Variants in ZFP91 observed in about 807,000 individuals in gnomAD.
ZFP91 encodes the protein ZFP91 zinc finger protein, atypical E3 ubiquitin ligase, also known as E3 ubiquitin-protein ligase ZFP91.
ZFP91 carries 7 observed loss-of-function variants against 63.5 expected under a neutral mutation model. The ratio of observed to expected loss-of-function variants is 0.11; its 90% confidence interval spans 0.06 to 0.21. The LOEUF (loss-of-function observed/expected upper bound fraction) is 0.21. Ranked by LOEUF, ZFP91 falls within the 10% of genes least tolerant of loss-of-function variation. The probability of loss-of-function intolerance (pLI) is 1.00; values close to 1 mark genes in which losing one functional copy is unlikely to be tolerated. For missense variants in ZFP91, 628 were observed against 736.6 expected (o/e 0.85, Z 1.71); for synonymous variants, 330 against 272.1 (o/e 1.21, Z -2.10).
In ZFP91 at chr11:58,618,700, C is replaced by T. The variant is rs920829734; in HGVS notation, c.*994C>T. The T allele has an allele frequency of 1.3e-5, 6 of 456,728 alleles. No homozygotes were observed. The Admixed American group carries it at 1.4e-4, about 11-fold the overall frequency. 28.3% of individuals were successfully genotyped at this position (456,728 alleles called of 1,614,324 possible). On this transcript the variant is annotated 3_prime_UTR_variant, in exon 11 of 11. Coordinates refer to ENST00000316059, the MANE Select transcript of ZFP91 (RefSeq NM_053023.5). ...AAGGCAAGACATAGGGTTGAAGAAG[C>T]ACAGCCAGCCTCTGAAATCATAGCT...
Position 58,609,888 on chromosome 11 carries a change from T to A in ZFP91, c.429T>A (p.Ile143=). Reference sequence around the variant, plus strand: ...CTGCCCTCCCTCAGGAAGTTTCCATTGCTGCATCTAGACCTAGCCGGGGCT... The same window carrying A: ...CTGCCCTCCCTCAGGAAGTTTCCATAGCTGCATCTAGACCTAGCCGGGGCT... The part of the protein sequence containing the change: ...DDSALPQEVS[I]AASRPSRGWR... Residue 143 remains isoleucine, a synonymous_variant, in exon 3 of 11, where the codon ATT becomes ATA. Coordinates refer to ENST00000316059, the MANE Select transcript of ZFP91 (RefSeq NM_053023.5). 6.2e-7 allele frequency: 1 copy of A among 1,614,236 alleles called. No homozygotes were observed. Among genetic ancestry groups the A allele is most frequent in the Non-Finnish European group, 8.5e-7 (1 of 1,180,042 alleles).
chr11:58,593,811 C>T (rs1281305004), intron 2 of ZFP91, among the ~76,000 whole-genome samples: 5 of 152,150 alleles, frequency 3.3e-5, no homozygotes, highest in Admixed American at 6.5e-5. Flanking sequence ...TCTTTGTTTT[C>T]ATCATCAGTC....
In ZFP91 at chr11:58,614,462, A is replaced by C. The variant is rs535829112; in HGVS notation, c.1102+119A>C. ...AAGATTCTATAGTCAAGTGCGGGGA[A>C]AAGGTGTGAAAATAAAATGTAGTAA... On this transcript the variant is annotated intron_variant, in intron 9 of 10. Transcript: ENST00000316059. 5 of 685,298 alleles carry C rather than the reference A, an allele frequency of 7.3e-6. No individual in the cohort carries two copies. The African/African-American group carries it at 9.2e-5, about 13-fold the overall frequency. 42.5% of individuals were successfully genotyped at this position (685,298 alleles called of 1,614,324 possible).
intron 2 of ZFP91, among the ~76,000 whole-genome samples, chr11:58,606,469 G>T (rs1192945086): frequency 4.6e-5 from 7 of 152,002 alleles, no homozygotes; most frequent in Admixed American, 4.6e-4. Context: ...ATTTTCTTTA[G>T]CTCTGATTGT....
At chr11:58,600,879 G>A (rs1007536227) in intron 2 of ZFP91, among the ~76,000 whole-genome samples, 1 of 151,952 alleles carries the variant, frequency 6.6e-6, no homozygotes, top group African/African-American at 2.4e-5. Flanking sequence ...ATTTTGTCAG[G>A]TTCTTTTTCT....
intron 2 of ZFP91, among the ~76,000 whole-genome samples, chr11:58,604,262 G>A (rs750962661): frequency 2.6e-5 from 4 of 152,146 alleles, no homozygotes; most frequent in Non-Finnish European, 5.9e-5. Flanking sequence ...CACTATGACT[G>A]ATGTCCTTAT....
chr11:58,599,501 T>C (rs1314575398), intron 2 of ZFP91, among the ~76,000 whole-genome samples: 8 of 152,102 alleles, frequency 5.3e-5, no homozygotes, highest in Admixed American at 3.3e-4. Context: ...CCAACACTTC[T>C]TATTTTCTTT....
chr11:58,612,860 A>G lies in ZFP91; in HGVS notation c.987+20A>G. The G allele has an allele frequency of 1.2e-6, 2 of 1,601,110 alleles. No homozygotes were observed. The highest frequency in any genetic ancestry group is 1.7e-6 in the Non-Finnish European group (2 of 1,173,562). On this transcript the variant is annotated intron_variant, in intron 8 of 10. Coordinates refer to ENST00000316059, the MANE Select transcript of ZFP91 (RefSeq NM_053023.5). Reference sequence around the variant, plus strand: ...TTGCAGGTCAGTGAAGTTGTTATATAAGAGCCTTTCAGGTTGTGTTCCATT... The same window carrying G: ...TTGCAGGTCAGTGAAGTTGTTATATGAGAGCCTTTCAGGTTGTGTTCCATT...
chr11:58,592,413 A>G (rs945187336), intron 2 of ZFP91, among the ~76,000 whole-genome samples: 1 of 151,974 alleles, frequency 6.6e-6, no homozygotes, highest in Non-Finnish European at 1.5e-5. Context: ...TATCCACTTC[A>G]TGTTTTCTAG....
rs1183522462 is a variant in ZFP91, at chr11:58,618,107, C to A, written c.*401C>A. ...TATTACTGTCTTCTAAATCCCTTCTCCTCCTCTACTGCTGCCCTATGGTTC... is the reference window on the plus strand; with the variant it reads ...TATTACTGTCTTCTAAATCCCTTCTACTCCTCTACTGCTGCCCTATGGTTC... On this transcript the variant is annotated 3_prime_UTR_variant, in exon 11 of 11. Transcript: ENST00000316059. 1 of 159,894 alleles carries A rather than the reference C, an allele frequency of 6.3e-6. No individual in the cohort carries two copies. Among genetic ancestry groups the A allele is most frequent in the African/African-American group, 2.4e-5 (1 of 41,630 alleles). The allele number at this position is 159,894 out of a possible 1,614,324, so 9.9% of individuals were successfully genotyped here.
intron 2 of ZFP91, among the ~76,000 whole-genome samples, chr11:58,585,339 T>C (rs1855187827): frequency 6.6e-6 from 1 of 152,198 alleles, no homozygotes; most frequent in South Asian, 2.1e-4. Context: ...CAGATGTATG[T>C]ATTATAGTTT....
intron 2 of ZFP91, among the ~76,000 whole-genome samples, chr11:58,594,018 G>T (rs747281328): frequency 1.1e-4 from 16 of 152,068 alleles, no homozygotes; most frequent in Non-Finnish European, 2.2e-4. Flanking sequence ...TTTTTAGCTG[G>T]TTACCTAGCA....
chr11:58,606,278 G>A (rs1855569134), intron 2 of ZFP91, among the ~76,000 whole-genome samples: 1 of 152,162 alleles, frequency 6.6e-6, no homozygotes, highest in Non-Finnish European at 1.5e-5. Context: ...TGTTGGCCAG[G>A]CTGGTCTCGA....
rs372443119 is a variant in ZFP91, at chr11:58,611,882, G to A, written c.857+144G>A. On this transcript the variant is annotated intron_variant, in intron 6 of 10. Coordinates refer to ENST00000316059, the MANE Select transcript of ZFP91 (RefSeq NM_053023.5). ...ACTTAAAAAAATTTGGCCTCAAGCA[G>A]CTGACAATTTCACTGGAGAGACTCT... The A allele has an allele frequency of 1.4e-4, 136 of 938,882 alleles. 1 individual carries two copies. The East Asian group carries it at 1.7e-3, about 12-fold the overall frequency. 58.2% of individuals were successfully genotyped at this position (938,882 alleles called of 1,614,324 possible).
chr11:58,613,675 G>A (rs1405401909), intron 8 of ZFP91, among the ~76,000 whole-genome samples: 2 of 152,126 alleles, frequency 1.3e-5, no homozygotes, highest in Non-Finnish European at 2.9e-5. Context: ...AAGACTTTTA[G>A]TTGAGGTTTT....
chr11:58,603,138 C>CT (rs777753125), intron 2 of ZFP91, among the ~76,000 whole-genome samples: 7 of 152,148 alleles, frequency 4.6e-5, no homozygotes, highest in Non-Finnish European at 1.0e-4. Flanking sequence ...TTGCAGAGAA[C>CT]TTGACTGAAT....
rs1855838084 is a variant in ZFP91, at chr11:58,620,836, C to T, written c.*3130C>T. 1 of 152,346 alleles carries T rather than the reference C, an allele frequency of 6.6e-6. No individual in the cohort carries two copies. The highest frequency in any genetic ancestry group is 1.5e-5 in the Non-Finnish European group (1 of 67,980). 9.4% of individuals were successfully genotyped at this position (152,346 alleles called of 1,614,324 possible). ...TTAAAATATTTTATTTCTTAAAAGC[C>T]TTTTTTGCCTGTTGTAATGTGCAGG... On this transcript the variant is annotated 3_prime_UTR_variant, in exon 11 of 11. Coordinates refer to ENST00000316059, the MANE Select transcript of ZFP91 (RefSeq NM_053023.5).
rs183097882 is a variant in ZFP91 at position 58,607,580 on chromosome 11, C to A, written c.371-2250C>A. On this transcript the variant is annotated intron_variant, in intron 2 of 10. Transcript: ENST00000316059. ...ATTTTGATGGTTGTTTAGAACTGTTCGCACTGCTATTTATCTCTGTGTTTC... is the reference window on the plus strand; with the variant it reads ...ATTTTGATGGTTGTTTAGAACTGTTAGCACTGCTATTTATCTCTGTGTTTC... Among the ~76,000 whole-genome samples the A allele has an allele frequency of 9.3e-5, 14 of 149,952 alleles. No homozygotes were observed. In the East Asian group the frequency reaches 2.7e-3, roughly 29 times the overall value.
At chr11:58,588,521 A>ATTAAT (rs1243117203) in intron 2 of ZFP91, among the ~76,000 whole-genome samples, 1 of 152,154 alleles carries the variant, frequency 6.6e-6, no homozygotes, top group Non-Finnish European at 1.5e-5. Context: ...ATGTTTTAAA[A>ATTAAT]TTAGAATTAA....
Sources: allele counts gnomAD v4.1 joint callset (sites outside exome capture counted in the v4.1 genomes callset), GRCh38; gene constraint gnomAD v4.1.1; transcripts MANE v1.5; gene names NCBI Gene and HGNC (gene_info 2026-07-23, HGNC 2026-07-21).